OGDH: variants seen among roughly 807,000 people sequenced by gnomAD.
The protein encoded by OGDH is 2-oxoglutarate dehydrogenase complex component E1.
OGDH carries 38 observed loss-of-function variants against 116.6 expected under a neutral mutation model. That is an observed-to-expected ratio of 0.33 (90% CI 0.25 to 0.43). The LOEUF (loss-of-function observed/expected upper bound fraction) is 0.43, where lower values mean the gene tolerates loss of function less well. OGDH is among the 20% of genes least tolerant of loss of function. The pLI is 1.00. For missense variants in OGDH, 825 were observed against 1,357.2 expected (o/e 0.61, Z 6.16); for synonymous variants, 488 against 533.3 (o/e 0.92, Z 1.17).
At chr7:44,691,179 C>G (rs764152565) in intron 10 of OGDH, among the ~76,000 whole-genome samples, 3 of 151,996 alleles carry the variant, frequency 2.0e-5, no homozygotes, top group Non-Finnish European at 4.4e-5. Context: ...TTAGAAATTC[C>G]CTTCCAGAAA....
At chr7:44,663,523 CT>C (rs1787041349) in intron 4 of OGDH, among the ~76,000 whole-genome samples, 1 of 152,194 alleles carries the variant, frequency 6.6e-6, no homozygotes, top group Admixed American at 6.5e-5. Flanking sequence ...AATCCCAGCA[CT>C]TTGGGAGACT....
At chr7:44,686,758 G>A (rs374108352) in intron 10 of OGDH, among the ~76,000 whole-genome samples, 3 of 146,708 alleles carry the variant, frequency 2.0e-5, no homozygotes, top group East Asian at 4.0e-4. Context: ...GCATGATCTC[G>A]GCTCACTGTA....
chr7:44,702,697 A>C (rs1047024016), intron 20 of OGDH, among the ~76,000 whole-genome samples: 2 of 152,086 alleles, frequency 1.3e-5, no homozygotes, highest in Non-Finnish European at 2.9e-5. Context: ...GGTTCACGCC[A>C]TTCTCCCACC....
Position 44,694,591 on chromosome 7 carries a change from C to T in OGDH, c.1668+15C>T. The T allele has an allele frequency of 1.9e-6, 3 of 1,612,758 alleles. No individual in the cohort carries two copies. Among genetic ancestry groups the T allele is most frequent in the Admixed American group, 1.7e-5 (1 of 59,998 alleles). ...CTGAGTATGAGGTACGTCCCTGCGGCTCTATCCCAGTGCGCCTTTCCAGGG... is the reference window on the plus strand; with the variant it reads ...CTGAGTATGAGGTACGTCCCTGCGGTTCTATCCCAGTGCGCCTTTCCAGGG... On this transcript the variant is annotated intron_variant, in intron 12 of 22. Coordinates refer to ENST00000222673, the MANE Select transcript of OGDH (RefSeq NM_002541.4). This position sits in a 1 kb window ranked among gnomAD's most constrained non-coding sequence, Gnocchi z 4.2.
At chr7:44,642,788 G>T (rs1054542679) in intron 2 of OGDH, among the ~76,000 whole-genome samples, 1 of 152,030 alleles carries the variant, frequency 6.6e-6, no homozygotes, top group African/African-American at 2.4e-5. Context: ...TGGGCATGGT[G>T]GCAGGCGCCT....
chr7:44,701,437 T>C lies in OGDH; in HGVS notation c.2560-106T>C, dbSNP rs1207426374. 5.2e-5 allele frequency: 45 copies of C among 868,272 alleles called. 1 individual carries two copies. In the Middle Eastern group the frequency reaches 4.9e-3, roughly 95 times the overall value. 53.8% of individuals were successfully genotyped at this position (868,272 alleles called of 1,614,324 possible). ...GGCTCCTGTTGAGTGGGAGGGCAGG[T>C]GTGTTTCATGGCCTGAAGGTCAAGG... is the stretch of plus-strand genomic sequence containing the variant. On this transcript the variant is annotated intron_variant, in intron 19 of 22. Transcript: ENST00000222673.
chr7:44,638,424 T>C (rs1785772328), intron 2 of OGDH, among the ~76,000 whole-genome samples: 1 of 152,208 alleles, frequency 6.6e-6, no homozygotes, highest in Admixed American at 6.5e-5. Flanking sequence ...AACTTAGGTC[T>C]TCAGTGTGTT....
intron 2 of OGDH, among the ~76,000 whole-genome samples, chr7:44,635,265 T>C (rs1785613679): frequency 6.6e-6 from 1 of 152,188 alleles, no homozygotes; most frequent in Non-Finnish European, 1.5e-5. Context: ...CGGTGTTCCT[T>C]GGTTACATGG....
chr7:44,661,737 G>T (rs1469067979), intron 4 of OGDH, among the ~76,000 whole-genome samples: 12 of 152,016 alleles, frequency 7.9e-5, no homozygotes. Context: ...GAGTAGCTGG[G>T]ATTATAGGTG....
chr7:44,671,517 A>C (rs1183999349), intron 5 of OGDH, among the ~76,000 whole-genome samples: 2 of 151,886 alleles, frequency 1.3e-5, no homozygotes, highest in East Asian at 3.8e-4. Flanking sequence ...TAATTCCAGC[A>C]CTTTGTGAGG....
intron 4 of OGDH, among the ~76,000 whole-genome samples, chr7:44,661,390 A>G (rs1359895592): frequency 3.3e-5 from 5 of 151,988 alleles, no homozygotes; most frequent in Admixed American, 3.3e-4. Context: ...TTTGTTTTAT[A>G]TTTATCCACT....
rs1358500731 is a variant in OGDH, at chr7:44,708,100, C to CCCT, written c.*106_*108dup. On this transcript the variant is annotated 3_prime_UTR_variant, in exon 23 of 23. Transcript: ENST00000222673. ...TGCCTCAGCGCTGCCCACACCACCGCCCTCCTCGCTGTGCCACCACCCCTC... is the reference window on the plus strand; with the variant it reads ...TGCCTCAGCGCTGCCCACACCACCGCCCTCCTCCTCGCTGTGCCACCACCCCTC... 1.4e-6 allele frequency: 2 copies of CCCT among 1,461,858 alleles called. No individual in the cohort carries two copies. Among genetic ancestry groups the CCCT allele is most frequent in the East Asian group, 4.6e-5 (2 of 43,740 alleles). 90.6% of individuals were successfully genotyped at this position (1,461,858 alleles called of 1,614,324 possible).
At chr7:44,654,713 T>A (rs1254272431) in intron 4 of OGDH, among the ~76,000 whole-genome samples, 2 of 152,160 alleles carry the variant, frequency 1.3e-5, no homozygotes, top group Non-Finnish European at 2.9e-5. Context: ...AGAATGAAGC[T>A]GGCCAAGCAG....
intron 9 of OGDH, chr7:44,676,562 A>G (rs1448549127): frequency 8.2e-6 from 2 of 244,946 alleles, no homozygotes; most frequent in African/African-American, 4.6e-5. Context: ...GTCTCAAAGA[A>G]AAAAATAAAT....
At chr7:44,683,010 G>A (rs1787992849) in intron 10 of OGDH, among the ~76,000 whole-genome samples, 1 of 151,674 alleles carries the variant, frequency 6.6e-6, no homozygotes, top group South Asian at 2.1e-4. Flanking sequence ...TTAGGCGGGT[G>A]TGGTGGCGGG....
intron 5 of OGDH, among the ~76,000 whole-genome samples, chr7:44,672,263 A>C (rs1585333602): frequency 6.6e-6 from 1 of 152,128 alleles, no homozygotes; most frequent in Admixed American, 6.6e-5. Flanking sequence ...GAGCTTGTGT[A>C]CAGGGATAGC....
intron 2 of OGDH, among the ~76,000 whole-genome samples, chr7:44,628,579 G>A (rs1256017011): frequency 6.6e-6 from 1 of 151,074 alleles, no homozygotes; most frequent in Non-Finnish European, 1.5e-5. Context: ...GCAAGGCCTT[G>A]TCTCTATTAA....
intron 2 of OGDH, among the ~76,000 whole-genome samples, chr7:44,626,050 C>T (rs142470138): frequency 1.3e-5 from 2 of 152,202 alleles, no homozygotes; most frequent in Non-Finnish European, 2.9e-5. Context: ...TCAGGAATGC[C>T]ACTTTGTCTC....
intron 1 of OGDH, among the ~76,000 whole-genome samples, chr7:44,607,816 C>G (rs1255607418): frequency 6.6e-6 from 1 of 152,122 alleles, no homozygotes; most frequent in African/African-American, 2.4e-5. Flanking sequence ...ATTCTCCTGC[C>G]TCAGCCTCCC....
Sources: gnomAD v4.1 joint callset for allele counts (sites outside exome capture counted in the v4.1 genomes callset) on GRCh38, gnomAD v4.1.1 for gene constraint, Gnocchi (gnomAD v3.1) non-coding constraint, MANE v1.5 for transcripts, NCBI Gene and HGNC (gene_info 2026-07-23, HGNC 2026-07-21) for gene names.